ELMO1: variants seen among roughly 807,000 people sequenced by gnomAD.
ELMO1 encodes the protein engulfment and cell motility protein 1.
ELMO1 carries 26 observed loss-of-function variants against 98.9 expected under a neutral mutation model. The observed-to-expected ratio is 0.26, with a 90% CI of 0.19 to 0.36. The LOEUF (loss-of-function observed/expected upper bound fraction) is 0.36, where lower values mean the gene tolerates loss of function less well. ELMO1 is among the 10% of genes least tolerant of loss of function. The pLI is 1.00. For synonymous variants in ELMO1, 346 were observed against 346.0 expected (o/e 1.00, Z 0.00); for missense variants, 627 against 935.2 (o/e 0.67, Z 4.30).
chr7:37,217,847 G>A (rs1181857890), intron 10 of ELMO1: 1 of 454,488 alleles, frequency 2.2e-6, no homozygotes, highest in South Asian at 1.6e-5. Flanking sequence ...GTTGACCACT[G>A]TATTTGAACG....
intron 5 of ELMO1, among the ~76,000 whole-genome samples, chr7:37,266,340 AT>A (rs1796241181): frequency 6.6e-6 from 1 of 152,108 alleles, no homozygotes; most frequent in Non-Finnish European, 1.5e-5. Flanking sequence ...AGATAATACT[AT>A]TTTTCTTATT....
intron 13 of ELMO1, among the ~76,000 whole-genome samples, chr7:37,167,034 C>T (rs1789753892): frequency 1.3e-5 from 2 of 152,022 alleles, no homozygotes; most frequent in South Asian, 4.2e-4. Flanking sequence ...GTATTGGGTG[C>T]ATATATATTT....
intron 16 of ELMO1, among the ~76,000 whole-genome samples, chr7:37,011,796 C>T (rs977877954): frequency 6.6e-6 from 1 of 152,184 alleles, no homozygotes; most frequent in African/African-American, 2.4e-5. Flanking sequence ...TCAAAGACTA[C>T]TGATTTAATT....
intron 16 of ELMO1, among the ~76,000 whole-genome samples, chr7:36,998,365 G>A (rs983495732): frequency 1.3e-5 from 2 of 151,918 alleles, no homozygotes; most frequent in Non-Finnish European, 1.5e-5. Flanking sequence ...ATGCACTTTG[G>A]AGTCGTATTT....
intron 15 of ELMO1, among the ~76,000 whole-genome samples, chr7:37,081,753 T>C (rs1248646163): frequency 6.6e-6 from 1 of 152,156 alleles, no homozygotes; most frequent in African/African-American, 2.4e-5. Flanking sequence ...AATTACCCAG[T>C]CACAGGTATC....
At chr7:37,433,931 C>T (rs1805036039) in intron 1 of ELMO1, among the ~76,000 whole-genome samples, 1 of 152,100 alleles carries the variant, frequency 6.6e-6, no homozygotes, top group Non-Finnish European at 1.5e-5. Flanking sequence ...CCTGCCTGTC[C>T]CCGAACCTCA....
At chr7:37,218,738 A>G (rs1344749350) in intron 10 of ELMO1, among the ~76,000 whole-genome samples, 1 of 152,222 alleles carries the variant, frequency 6.6e-6, no homozygotes, top group Non-Finnish European at 1.5e-5. Context: ...AAAATGATGT[A>G]TTAGGAGAAT....
chr7:37,336,229 G>GA (rs1411203105), intron 2 of ELMO1, among the ~76,000 whole-genome samples: 43 of 142,570 alleles, frequency 3.0e-4, no homozygotes, highest in African/African-American at 5.6e-4. Context: ...CTGCGTCAAG[G>GA]AAAAAAAAAA....
chr7:36,868,866 G>A (rs1021282596), intron 20 of ELMO1, among the ~76,000 whole-genome samples: 1 of 152,088 alleles, frequency 6.6e-6, no homozygotes, highest in Non-Finnish European at 1.5e-5. Flanking sequence ...TCTCCACACT[G>A]TTTCCAGCTC....
chr7:37,303,351 T>C (rs1798440826), intron 4 of ELMO1, among the ~76,000 whole-genome samples: 1 of 152,170 alleles, frequency 6.6e-6, no homozygotes, highest in South Asian at 2.1e-4. Context: ...AAAGTCACTA[T>C]TTTTTCATCG....
chr7:37,120,855 C>G (rs1249706882), intron 14 of ELMO1, among the ~76,000 whole-genome samples: 1 of 152,146 alleles, frequency 6.6e-6, no homozygotes, highest in Non-Finnish European at 1.5e-5. Context: ...CCCTAAGTAG[C>G]CTAACTGGGA....
At chr7:37,054,930 A>G (rs146215982) in intron 15 of ELMO1, among the ~76,000 whole-genome samples, 1 of 152,248 alleles carries the variant, frequency 6.6e-6, no homozygotes, top group Non-Finnish European at 1.5e-5. Context: ...CTTTCCAACC[A>G]TTCATGAACA....
At chr7:37,256,864 A>G (rs1795692303) in intron 6 of ELMO1, among the ~76,000 whole-genome samples, 2 of 152,078 alleles carry the variant, frequency 1.3e-5, no homozygotes, top group Non-Finnish European at 2.9e-5. Context: ...AGAGTTATCA[A>G]TTCATTCTTT....
chr7:37,126,326 T>TATATATATATATATATATAC lies in ELMO1; in HGVS notation c.1191+6803_1191+6804insGTATATATATATATATATAT, dbSNP rs1425469715. Among the ~76,000 whole-genome samples, 3 of 135,728 alleles carry TATATATATATATATATATAC rather than the reference T, an allele frequency of 2.2e-5. No individual in the cohort carries two copies. The East Asian group carries it at 6.3e-4, about 29-fold the overall frequency. The allele number at this position is 135,728 out of a possible 152,430, so 89.0% of individuals were successfully genotyped here. On this transcript the variant is annotated intron_variant, in intron 14 of 21. Transcript: ENST00000310758. ...ATATATATATATATATATATATATA[T>TATATATATATATATATATAC]ATAAAAGAAAAGAAAATATTTTATT...
intron 1 of ELMO1, among the ~76,000 whole-genome samples, chr7:37,430,905 G>C (rs184562399): frequency 2.0e-5 from 3 of 152,328 alleles, no homozygotes; most frequent in Admixed American, 2.0e-4. Context: ...TGTAGGTCTG[G>C]ATCCCACAAG....
chr7:36,974,029 C>A (rs1720025546), intron 16 of ELMO1, among the ~76,000 whole-genome samples: 1 of 152,252 alleles, frequency 6.6e-6, no homozygotes, highest in Non-Finnish European at 1.5e-5. Flanking sequence ...CCCCCCACTC[C>A]GTGGGCTCCT....
chr7:37,012,896 T>G (rs1305137579), intron 16 of ELMO1, among the ~76,000 whole-genome samples: 1 of 152,214 alleles, frequency 6.6e-6, no homozygotes, highest in Non-Finnish European at 1.5e-5. Flanking sequence ...GGAGCAGTAT[T>G]CCTGATCTCA....
At chr7:36,878,168 A>AT in intron 18 of ELMO1, 51 bp from the exon 19 acceptor site, 3 of 1,367,460 alleles carry the variant, frequency 2.2e-6, no homozygotes, top group Non-Finnish European at 2.1e-6. Context: ...GTTTATCAAA[A>AT]TACTAGCCTG....
chr7:37,230,314 G>C (rs1175485794), intron 8 of ELMO1, among the ~76,000 whole-genome samples: 1 of 152,172 alleles, frequency 6.6e-6, no homozygotes, highest in East Asian at 1.9e-4. Flanking sequence ...GGAGATCCCA[G>C]GGGAACAGAG....
Sources: allele counts gnomAD v4.1 joint callset (sites outside exome capture counted in the v4.1 genomes callset), GRCh38; gene constraint gnomAD v4.1.1; transcripts MANE v1.5; gene names NCBI Gene and HGNC (gene_info 2026-07-23, HGNC 2026-07-21).